DIP2A: variants seen among roughly 807,000 people sequenced by gnomAD.
DIP2A encodes DIP2 acetate--CoA ligase A.
Under a neutral mutation model 177.4 loss-of-function variants are expected in DIP2A, and 85 were observed. The observed-to-expected ratio is 0.48, with a 90% CI of 0.40 to 0.57. DIP2A has a LOEUF of 0.57. Among genes scored for constraint, DIP2A ranks in the 20% least tolerant of loss-of-function variants. DIP2A has a pLI of 0.00. For missense variants in DIP2A, 1,791 were observed against 2,100.2 expected, an observed-to-expected ratio of 0.85 and a Z score of 2.88; for synonymous variants, 886 against 881.8, an observed-to-expected ratio of 1.00 and a Z score of -0.08.
At chr21:46,562,039 C>G (rs1019740280) in intron 34 of DIP2A, among the ~76,000 whole-genome samples, 1 of 152,152 alleles carries the variant, frequency 6.6e-6, no homozygotes, top group African/African-American at 2.4e-5. Flanking sequence ...GGGAGAAGTT[C>G]AGGTGCAGGA....
chr21:46,523,114 G>A (rs900781535), intron 8 of DIP2A, among the ~76,000 whole-genome samples: 6 of 151,860 alleles, frequency 4.0e-5, no homozygotes, highest in African/African-American at 7.3e-5. Flanking sequence ...TAGTAGAGAT[G>A]GGGTTTCTCC....
In DIP2A at chr21:46,462,227, C is replaced by T. The variant is rs781300771; in HGVS notation, c.91+3005C>T. Among the ~76,000 whole-genome samples, 4 of 152,272 alleles carry T rather than the reference C, an allele frequency of 2.6e-5. No individual in the cohort carries two copies. The South Asian group carries it at 6.2e-4, about 24-fold the overall frequency. On this transcript the variant is annotated intron_variant, in intron 1 of 37. Transcript: ENST00000417564. ...GTCACACGTGGACCTGCTTCCAGGGCGCTTCCACAGGTTAATGCTGGCTTA... is the reference window on the plus strand; with the variant it reads ...GTCACACGTGGACCTGCTTCCAGGGTGCTTCCACAGGTTAATGCTGGCTTA...
Position 46,556,872 on chromosome 21 carries a change from C to G in DIP2A, c.3499-67C>G. Reference sequence around the variant, plus strand: ...CTAGCCATGTGAACAGCGGACACTGCCATCCACCCTCTCCCCTCCTGAATT... The same window carrying G: ...CTAGCCATGTGAACAGCGGACACTGGCATCCACCCTCTCCCCTCCTGAATT... On this transcript the variant is annotated intron_variant, in intron 29 of 37. Coordinates refer to ENST00000417564, the MANE Select transcript of DIP2A (RefSeq NM_015151.4). The surrounding 1 kb of genome is among the most constrained non-coding windows in gnomAD (Gnocchi z 4.5). 7.2e-7 allele frequency: 1 copy of G among 1,383,558 alleles called. No individual in the cohort carries two copies. The highest frequency in any genetic ancestry group is 9.7e-7 in the Non-Finnish European group (1 of 1,026,486). The allele number at this position is 1,383,558 out of a possible 1,614,324, so 85.7% of individuals were successfully genotyped here.
chr21:46,488,691 CT>C (rs2056831135), intron 2 of DIP2A, among the ~76,000 whole-genome samples: 1 of 152,140 alleles, frequency 6.6e-6, no homozygotes, highest in Admixed American at 6.5e-5. Flanking sequence ...ACATCTAGTG[CT>C]GACAGAGAGT....
intron 2 of DIP2A, among the ~76,000 whole-genome samples, chr21:46,485,116 T>C (rs1023882298): frequency 1.3e-5 from 2 of 152,234 alleles, no homozygotes; most frequent in Admixed American, 6.5e-5. Flanking sequence ...ATTTTATTTT[T>C]ATGATTATGA....
At position 46,467,398 on chromosome 21, in the gene DIP2A, C is replaced by T. The variant is rs1156738833; in HGVS notation, c.91+8176C>T. Among the ~76,000 whole-genome samples the T allele has an allele frequency of 4.6e-5, 7 of 151,698 alleles. No homozygotes were observed. The South Asian group carries it at 1.0e-3, about 22-fold the overall frequency. ...TTGTTTGTTTTTTAAGATAGTGTCTCGCTCTGTTGCCCAGTTGGGAGTGCA... is the reference window on the plus strand; with the variant it reads ...TTGTTTGTTTTTTAAGATAGTGTCTTGCTCTGTTGCCCAGTTGGGAGTGCA... On this transcript the variant is annotated intron_variant, in intron 1 of 37. Coordinates refer to ENST00000417564, the MANE Select transcript of DIP2A (RefSeq NM_015151.4).
intron 21 of DIP2A, among the ~76,000 whole-genome samples, chr21:46,548,882 T>G (rs2060163444): frequency 6.6e-6 from 1 of 152,196 alleles, no homozygotes; most frequent in African/African-American, 2.4e-5. Flanking sequence ...GCAAAACACA[T>G]CAGACTTCCC....
At chr21:46,490,531 C>A in intron 2 of DIP2A, 69 bp from the exon 3 acceptor site, 2 of 1,494,682 alleles carry the variant, frequency 1.3e-6, no homozygotes, top group South Asian at 1.3e-5. Flanking sequence ...AAGCTGTTTT[C>A]AATGGACTTT....
In DIP2A at chr21:46,551,621, C is replaced by T; in HGVS notation, c.2840-13C>T. 6.2e-7 allele frequency: 1 copy of T among 1,609,556 alleles called. No individual in the cohort carries two copies. The highest frequency in any genetic ancestry group is 8.5e-7 in the Non-Finnish European group (1 of 1,176,356). On this transcript the variant is annotated splice_polypyrimidine_tract_variant and intron_variant, in intron 23 of 37. Transcript: ENST00000417564. ...AGTCACCAGCTTTTCATTCAGAGTTCCCCCGTTTCTAGAGGTTGGACCAGC... is the reference window on the plus strand; with the variant it reads ...AGTCACCAGCTTTTCATTCAGAGTTTCCCCGTTTCTAGAGGTTGGACCAGC...
chr21:46,498,871 G>T lies in DIP2A; in HGVS notation c.655+38G>T. 1 of 1,573,270 alleles carries T rather than the reference G, an allele frequency of 6.4e-7. No individual in the cohort carries two copies. The highest frequency in any genetic ancestry group is 1.8e-5 in the Admixed American group (1 of 55,868). On this transcript the variant is annotated intron_variant, in intron 5 of 37. Coordinates refer to ENST00000417564, the MANE Select transcript of DIP2A (RefSeq NM_015151.4). The surrounding 1 kb of genome is among the most constrained non-coding windows in gnomAD (Gnocchi z 4.3). ...CTGCTGCGGCCCCTGTGCCAGCAGAGCGGGGTCAGGAGTGTCCAGGACAGA... is the reference window on the plus strand; with the variant it reads ...CTGCTGCGGCCCCTGTGCCAGCAGATCGGGGTCAGGAGTGTCCAGGACAGA...
intron 35 of DIP2A, among the ~76,000 whole-genome samples, chr21:46,565,029 G>A (rs1459301781): frequency 3.3e-5 from 5 of 152,228 alleles, no homozygotes; most frequent in Non-Finnish European, 7.3e-5. Context: ...ACGCTGCCAT[G>A]CAGGGGCGTC....
chr21:46,545,819 G>A, intron 19 of DIP2A, 62 bp from the exon 20 acceptor site: 2 of 1,585,446 alleles, frequency 1.3e-6, no homozygotes, highest in Non-Finnish European at 1.7e-6. Context: ...CGCCTGCTGG[G>A]TCTTTTTGGC....
At chr21:46,518,844 G>A (rs563323480) in intron 8 of DIP2A, among the ~76,000 whole-genome samples, 3 of 152,330 alleles carry the variant, frequency 2.0e-5, no homozygotes, top group South Asian at 2.1e-4. Flanking sequence ...GTGACAGAGC[G>A]AGACCCTGTC....
chr21:46,564,446 T>C (rs1316284961), intron 35 of DIP2A, among the ~76,000 whole-genome samples: 2 of 152,218 alleles, frequency 1.3e-5, no homozygotes, highest in Non-Finnish European at 1.5e-5. Flanking sequence ...CAGGAATCCG[T>C]TGGGTTGAAA....
downstream of DIP2A, among the ~76,000 whole-genome samples, chr21:46,574,725 C>A (rs2060982325): frequency 6.6e-6 from 1 of 151,988 alleles, no homozygotes; most frequent in African/African-American, 2.4e-5. Context: ...CCTAAAAACA[C>A]AAAACATATC....
intron 8 of DIP2A, among the ~76,000 whole-genome samples, chr21:46,528,332 A>C (rs2059192919): frequency 1.3e-5 from 2 of 152,078 alleles, no homozygotes; most frequent in South Asian, 4.1e-4. Flanking sequence ...ACTCTTACAA[A>C]TGATGTAATT....
At chr21:46,509,852 CGTT>C (rs1569001530) in intron 7 of DIP2A, among the ~76,000 whole-genome samples, 1 of 152,078 alleles carries the variant, frequency 6.6e-6, no homozygotes. Context: ...GTGAGTGTGT[CGTT>C]AGGGCCACAG....
chr21:46,582,574 A>G, the DIP2A span, among the ~76,000 whole-genome samples: 1 of 152,162 alleles, frequency 6.6e-6, no homozygotes, highest in African/African-American at 2.4e-5. Flanking sequence ...CTCTTGCCCC[A>G]TGGTGCTCCT....
chr21:46,464,817 CTTTTTTTTTTTTTT>C lies in DIP2A; in HGVS notation c.91+5609_91+5622del, dbSNP rs1168153777. On this transcript the variant is annotated intron_variant, in intron 1 of 37. Coordinates refer to ENST00000417564, the MANE Select transcript of DIP2A (RefSeq NM_015151.4). The stretch of plus-strand genomic sequence containing the variant: ...TCTTCCTTTTTCTTAATATTCATGT[CTTTTTTTTTTTTTT>C]TTTTTTTTTTTTTCAAGAAAACACA... 6.8e-4 allele frequency among the ~76,000 whole-genome samples: 50 copies of C among 73,440 alleles called. 1 individual carries two copies. The highest frequency in any genetic ancestry group is 2.7e-3 in the African/African-American group (44 of 16,490). 48.2% of individuals were successfully genotyped at this position (73,440 alleles called of 152,430 possible).
Sources: allele counts gnomAD v4.1 joint callset (sites outside exome capture counted in the v4.1 genomes callset), GRCh38; gene constraint gnomAD v4.1.1; non-coding constraint Gnocchi (gnomAD v3.1); transcripts MANE v1.5; gene names NCBI Gene and HGNC (gene_info 2026-07-23, HGNC 2026-07-21).